RCBTB2: variants seen among roughly 807,000 people sequenced by gnomAD.
RCBTB2 encodes the protein RCC1 and BTB domain-containing protein 2.
Under a neutral mutation model 65.4 loss-of-function variants are expected in RCBTB2, and 55 were observed. That is an observed-to-expected ratio of 0.84 (90% CI 0.68 to 1.05). RCBTB2 has a LOEUF of 1.05. RCBTB2 is among the 50% of genes least tolerant of loss of function. The pLI is 0.00. For missense variants in RCBTB2, 599 were observed against 680.1 expected (o/e 0.88, Z 1.33); for synonymous variants, 220 against 255.2 (o/e 0.86, Z 1.31).
chr13:48,490,046 A>G lies in RCBTB2; in HGVS notation c.*65T>C. On this transcript the variant is annotated 3_prime_UTR_variant, in exon 15 of 15. Transcript: ENST00000344532. The stretch of plus-strand genomic sequence containing the variant: ...ATCATACATACTATTAATTAAAGAG[A>G]AGTGATTCATCTCTGGCTTTTGCAG... 6.5e-7 allele frequency: 1 copy of G among 1,537,116 alleles called. No individual in the cohort carries two copies. The highest frequency in any genetic ancestry group is 9.0e-7 in the Non-Finnish European group (1 of 1,111,862).
intron 4 of RCBTB2, among the ~76,000 whole-genome samples, chr13:48,521,066 C>A (rs187009773): frequency 1.3e-5 from 2 of 152,106 alleles, no homozygotes; most frequent in Admixed American, 6.5e-5. Flanking sequence ...TGAAACTATT[C>A]TTTATTTTAT....
At chr13:48,533,129 GGCCCGGCCTCGGCGGGATGCGCTCGGGT>G (rs1451046323), upstream of RCBTB2, 1 of 415,968 alleles carries the variant, frequency 2.4e-6, no homozygotes, top group South Asian at 1.6e-5. Context: ...CCCCTGAAAC[GGCCCGGCCTCGGCGGGATGCGCTCGGGT>G]GCCCGGCCGA....
At position 48,511,833 on chromosome 13, in the gene RCBTB2, G is replaced by A; in HGVS notation, c.720C>T (p.Gly240=). The change falls in exon 9 of 15, where the codon GGC becomes GGT. Residue 240 remains glycine, a synonymous_variant. Transcript: ENST00000344532. ...GYNGNGQLGL[G]NSGNQPTPCR... Reference sequence around the variant, plus strand: ...AAGGGGTTGGCTGGTTGCCACTGTTGCCGAGTCCAAGCTGCCCGTTTCCGT... The same window carrying A: ...AAGGGGTTGGCTGGTTGCCACTGTTACCGAGTCCAAGCTGCCCGTTTCCGT... 6.2e-7 allele frequency: 1 copy of A among 1,614,156 alleles called. No homozygotes were observed. The highest frequency in any genetic ancestry group is 8.5e-7 in the Non-Finnish European group (1 of 1,180,032).
At chr13:48,524,210 C>T (rs1951581819) in intron 2 of RCBTB2, among the ~76,000 whole-genome samples, 1 of 152,172 alleles carries the variant, frequency 6.6e-6, no homozygotes, top group East Asian at 1.9e-4. Context: ...GTGGAGATTA[C>T]CTTACCCTGT....
intron 14 of RCBTB2, chr13:48,492,559 T>C (rs1195311235): frequency 1.0e-4 from 16 of 152,440 alleles, no homozygotes; most frequent in African/African-American, 3.8e-4. Flanking sequence ...CCCGCCTCAC[T>C]GCGCTAAAAC....
At chr13:48,527,320 C>CATATATATATATATATGAT (rs1379720488) in intron 1 of RCBTB2, among the ~76,000 whole-genome samples, 40 of 77,836 alleles carry the variant, frequency 5.1e-4, no homozygotes, top group African/African-American at 1.8e-3. Flanking sequence ...TGACTTGGCT[C>CATATATATATATATATGAT]ATATATATAT....
intron 14 of RCBTB2, among the ~76,000 whole-genome samples, chr13:48,490,798 T>A (rs1949666453): frequency 6.6e-6 from 1 of 152,236 alleles, no homozygotes; most frequent in Non-Finnish European, 1.5e-5. Context: ...TTGATCACAC[T>A]ACATATGCCT....
chr13:48,530,774 G>A (rs1952070961), intron 1 of RCBTB2, among the ~76,000 whole-genome samples: 1 of 152,214 alleles, frequency 6.6e-6, no homozygotes, highest in South Asian at 2.1e-4. Flanking sequence ...CATTTGATGT[G>A]CTAAGTTAAA....
chr13:48,498,790 A>G (rs1194272270), intron 13 of RCBTB2, among the ~76,000 whole-genome samples: 2 of 151,924 alleles, frequency 1.3e-5, no homozygotes, highest in Non-Finnish European at 2.9e-5. Context: ...TTTGACTTTC[A>G]AAGTCCAGAG....
intron 13 of RCBTB2, 39 bp downstream of exon 13, chr13:48,499,582 C>T: frequency 6.2e-7 from 1 of 1,608,720 alleles, no homozygotes. Context: ...GTCAGTTCCT[C>T]AACATTTTGC....
chr13:48,499,142 A>ACACACACT lies in RCBTB2; in HGVS notation c.1384+478_1384+479insAGTGTGTG, dbSNP rs1366425462. On this transcript the variant is annotated intron_variant, in intron 13 of 14. Transcript: ENST00000344532. ...CACACACACACACACACACACACAC[A>ACACACACT]CTCTCTCTCTCTCTCTCTCTCTCTC... Among the ~76,000 whole-genome samples, 58 of 132,380 alleles carry ACACACACT rather than the reference A, an allele frequency of 4.4e-4. No homozygotes were observed. In the East Asian group the frequency reaches 8.6e-3, roughly 20 times the overall value. The allele number at this position is 132,380 out of a possible 152,430, so 86.8% of individuals were successfully genotyped here.
intron 10 of RCBTB2, 135 bp from the exon 11 acceptor site, chr13:48,503,049 A>C: frequency 1.1e-6 from 1 of 947,964 alleles, no homozygotes; most frequent in Non-Finnish European, 1.5e-6. Context: ...AAAACAAAAC[A>C]AAACAAACCA....
intron 14 of RCBTB2, among the ~76,000 whole-genome samples, chr13:48,495,017 A>C (rs1232337373): frequency 6.6e-6 from 1 of 152,192 alleles, no homozygotes; most frequent in African/African-American, 2.4e-5. Flanking sequence ...TGTCTTTTAC[A>C]AATTTTCTTT....
At chr13:48,528,400 T>A (rs901353397) in intron 1 of RCBTB2, among the ~76,000 whole-genome samples, 2 of 152,196 alleles carry the variant, frequency 1.3e-5, no homozygotes, top group African/African-American at 4.8e-5. Flanking sequence ...CACACTGATA[T>A]TTTTAGAATT....
intron 10 of RCBTB2, among the ~76,000 whole-genome samples, chr13:48,505,261 G>A (rs1490255141): frequency 6.6e-6 from 1 of 152,112 alleles, no homozygotes; most frequent in Non-Finnish European, 1.5e-5. Context: ...ACAATGTCTG[G>A]GTGCAAATGG....
Position 48,490,099 on chromosome 13 carries a change from C to T in RCBTB2, c.*12G>A. 6.2e-7 allele frequency: 1 copy of T among 1,613,836 alleles called. No homozygotes were observed. Among genetic ancestry groups the T allele is most frequent in the Non-Finnish European group, 8.5e-7 (1 of 1,179,890 alleles). On this transcript the variant is annotated 3_prime_UTR_variant, in exon 15 of 15. Transcript: ENST00000344532. ...GAAATGGAAAGGCTCAAAAACTTTCCTGCAGATGGGATCAATTTTTAAAGG... is the reference window on the plus strand; with the variant it reads ...GAAATGGAAAGGCTCAAAAACTTTCTTGCAGATGGGATCAATTTTTAAAGG...
Position 48,501,742 on chromosome 13 carries a change from C to G in RCBTB2, c.1244G>C (p.Arg415Pro). The change falls in exon 12 of 15, where the codon CGA (arginine) becomes CCA (proline). Residue 415 changes from arginine (R) to proline (P), a missense_variant and splice_region_variant. Arg to Pro is a moderately radical substitution (Grantham distance 103, BLOSUM62 -2). Coordinates refer to ENST00000344532, the MANE Select transcript of RCBTB2 (RefSeq NM_001268.4). ...IYAHKVLLKI[R>P]CEHFRSSLED... ...AATTCTCAAATAAATGATTCCTTAC[C>G]GAATCTTGAGAAGGACTTTATGTGC... 2.5e-6 allele frequency: 4 copies of G among 1,608,290 alleles called. No homozygotes were observed. The highest frequency in any genetic ancestry group is 3.4e-6 in the Non-Finnish European group (4 of 1,176,006).
At chr13:48,530,329 A>G (rs1952041428) in intron 1 of RCBTB2, among the ~76,000 whole-genome samples, 1 of 152,236 alleles carries the variant, frequency 6.6e-6, no homozygotes, top group African/African-American at 2.4e-5. Flanking sequence ...AGCAAATTCC[A>G]TGGACTCCTT....
intron 10 of RCBTB2, among the ~76,000 whole-genome samples, chr13:48,510,388 A>C (rs1395416358): frequency 1.3e-5 from 2 of 152,242 alleles, no homozygotes; most frequent in Non-Finnish European, 2.9e-5. Flanking sequence ...TAGTCACTGC[A>C]GTTTGCTTAG....
Sources: allele counts gnomAD v4.1 joint callset (sites outside exome capture counted in the v4.1 genomes callset), GRCh38; gene constraint gnomAD v4.1.1; transcripts MANE v1.5; gene names NCBI Gene and HGNC (gene_info 2026-07-23, HGNC 2026-07-21).